BRINP3: variants seen among roughly 807,000 people sequenced by gnomAD.
The protein encoded by BRINP3 is BMP/retinoic acid-inducible neural-specific protein 3.
In BRINP3, 19 loss-of-function variants were observed where a neutral mutation model predicts 71.0. The ratio of observed to expected loss-of-function variants is 0.27; its 90% CI spans 0.19 to 0.39. BRINP3 has a LOEUF of 0.39. Among genes scored for constraint, BRINP3 ranks in the 10% least tolerant of loss-of-function variants. BRINP3 has a pLI of 1.00. For missense variants in BRINP3, 959 were observed against 940.8 expected (o/e 1.02, Z -0.25); for synonymous variants, 380 against 337.7 (o/e 1.13, Z -1.37).
intron 6 of BRINP3, among the ~76,000 whole-genome samples, chr1:190,204,047 A>C (rs1655274869): frequency 6.6e-6 from 1 of 151,494 alleles, no homozygotes; most frequent in Admixed American, 6.6e-5. Flanking sequence ...AAGCTATTAA[A>C]ACATTTGGGC....
intron 2 of BRINP3, among the ~76,000 whole-genome samples, chr1:190,347,432 G>A (rs1303017637): frequency 2.0e-5 from 3 of 150,204 alleles, no homozygotes; most frequent in Non-Finnish European, 4.5e-5. Flanking sequence ...GAGCCACCGC[G>A]CCCAGCTGAC....
chr1:190,231,057 T>C (rs1299443430), intron 5 of BRINP3, among the ~76,000 whole-genome samples: 1 of 151,606 alleles, frequency 6.6e-6, no homozygotes, highest in Non-Finnish European at 1.5e-5. Context: ...TGACAAATTA[T>C]AACTATCATA....
chr1:190,229,383 T>G (rs1169393471), intron 5 of BRINP3, among the ~76,000 whole-genome samples: 1 of 151,994 alleles, frequency 6.6e-6, no homozygotes, highest in Non-Finnish European at 1.5e-5. Flanking sequence ...CCTCCTTGCC[T>G]CTGTCATGAT....
At chr1:190,118,921 A>G (rs866367718) in intron 7 of BRINP3, among the ~76,000 whole-genome samples, 7 of 152,174 alleles carry the variant, frequency 4.6e-5, no homozygotes, top group African/African-American at 4.8e-5. Flanking sequence ...AATTTTAGCC[A>G]TAGTCATCCA....
At chr1:190,381,311 G>C (rs574902964) in intron 2 of BRINP3, among the ~76,000 whole-genome samples, 2 of 150,182 alleles carry the variant, frequency 1.3e-5, no homozygotes, top group Non-Finnish European at 3.0e-5. Context: ...AAAAAACACC[G>C]ACGATCTGTG....
chr1:190,293,399 C>A (rs1296173356), intron 2 of BRINP3, among the ~76,000 whole-genome samples: 1 of 152,126 alleles, frequency 6.6e-6, no homozygotes, highest in East Asian at 1.9e-4. Flanking sequence ...GATATGATTT[C>A]AATTTTTTTG....
intron 2 of BRINP3, among the ~76,000 whole-genome samples, chr1:190,347,557 A>T (rs1479837332): frequency 1.3e-5 from 2 of 152,146 alleles, no homozygotes; most frequent in Non-Finnish European, 2.9e-5. Flanking sequence ...TTTTCTGCCT[A>T]ACTCACCTCA....
At chr1:190,196,434 A>G (rs758379370) in intron 6 of BRINP3, among the ~76,000 whole-genome samples, 7 of 152,140 alleles carry the variant, frequency 4.6e-5, no homozygotes, top group African/African-American at 1.7e-4. Context: ...TTAGATCTGT[A>G]GTATACATTT....
chr1:190,397,236 G>A (rs1165598777), intron 2 of BRINP3, among the ~76,000 whole-genome samples: 2 of 151,972 alleles, frequency 1.3e-5, no homozygotes, highest in Non-Finnish European at 2.9e-5. Flanking sequence ...TGCAAGCCAT[G>A]AAGAATCAAG....
chr1:190,336,983 T>A (rs1667331779), intron 2 of BRINP3, among the ~76,000 whole-genome samples: 1 of 151,562 alleles, frequency 6.6e-6, no homozygotes, highest in African/African-American at 2.4e-5. Context: ...TAGAATGTAA[T>A]GAATATCATC....
At chr1:190,328,506 A>G (rs1173521424) in intron 2 of BRINP3, among the ~76,000 whole-genome samples, 2 of 152,062 alleles carry the variant, frequency 1.3e-5, no homozygotes, top group Non-Finnish European at 1.5e-5. Context: ...GAAAAACTGA[A>G]CAGAATAATA....
chr1:190,225,568 A>C (rs1657284799), intron 6 of BRINP3, among the ~76,000 whole-genome samples: 1 of 152,018 alleles, frequency 6.6e-6, no homozygotes, highest in Non-Finnish European at 1.5e-5. Context: ...AAAGATAGTA[A>C]ATTTTATATG....
chr1:190,442,966 G>A (rs1674933104), intron 2 of BRINP3, among the ~76,000 whole-genome samples: 1 of 144,830 alleles, frequency 6.9e-6, no homozygotes. Flanking sequence ...AGGCTGGAGT[G>A]CAATGGCACA....
At chr1:190,222,081 T>C (rs1210009878) in intron 6 of BRINP3, among the ~76,000 whole-genome samples, 1 of 151,912 alleles carries the variant, frequency 6.6e-6, no homozygotes, top group East Asian at 1.9e-4. Flanking sequence ...TAGATGACAT[T>C]AACAAAACAT....
At chr1:190,269,848 A>C (rs1175258290) in intron 3 of BRINP3, among the ~76,000 whole-genome samples, 1 of 152,020 alleles carries the variant, frequency 6.6e-6, no homozygotes, top group Non-Finnish European at 1.5e-5. Flanking sequence ...AACATTGGCA[A>C]TATATATCAA....
At chr1:190,212,315 T>G (rs1156528754) in intron 6 of BRINP3, among the ~76,000 whole-genome samples, 1 of 152,108 alleles carries the variant, frequency 6.6e-6, no homozygotes, top group African/African-American at 2.4e-5. Flanking sequence ...TAAATGACTT[T>G]CTAATGATCA....
Position 190,389,332 on chromosome 1 carries a change from A to G in BRINP3, c.236+65323T>C, listed in dbSNP as rs1430198087. ...CTTAGTAGAATCCTAATTTGGATCAAATATCCAATTATATACCATGTGGCA... is the reference window on the plus strand; with the variant it reads ...CTTAGTAGAATCCTAATTTGGATCAGATATCCAATTATATACCATGTGGCA... On this transcript the variant is annotated intron_variant, in intron 2 of 7. Coordinates refer to ENST00000367462, the MANE Select transcript of BRINP3 (RefSeq NM_199051.3). Among the ~76,000 whole-genome samples the G allele has an allele frequency of 2.0e-5, 3 of 151,760 alleles. No homozygotes were observed. The South Asian group carries it at 6.2e-4, about 31-fold the overall frequency.
At chr1:190,345,403 T>C (rs1362934249) in intron 2 of BRINP3, among the ~76,000 whole-genome samples, 1 of 151,802 alleles carries the variant, frequency 6.6e-6, no homozygotes, top group African/African-American at 2.4e-5. Context: ...AGGAAGAACA[T>C]TGGAATCAGA....
chr1:190,277,093 A>ATATATATATATATATATATATATATT (rs1662630918), intron 3 of BRINP3, among the ~76,000 whole-genome samples: 1 of 104,738 alleles, frequency 9.5e-6, no homozygotes, highest in African/African-American at 3.2e-5. Flanking sequence ...GGTTTTATAT[A>ATATATATATATATATATATATATATT]TATATATATA....
Sources: allele counts gnomAD v4.1 joint callset (sites outside exome capture counted in the v4.1 genomes callset), GRCh38; gene constraint gnomAD v4.1.1; transcripts MANE v1.5; gene names NCBI Gene and HGNC (gene_info 2026-07-23, HGNC 2026-07-21).